SCHIP1: variants seen among roughly 807,000 people sequenced by gnomAD.
SCHIP1 encodes schwannomin interacting protein 1, also known as schwannomin-interacting protein 1.
A neutral mutation model predicts 29.7 loss-of-function variants in SCHIP1; 8 were observed. That is an observed-to-expected ratio of 0.27 (90% confidence interval 0.16 to 0.49). The LOEUF (loss-of-function observed/expected upper bound fraction) is 0.49, where lower values mean the gene tolerates loss of function less well. SCHIP1 is among the 20% of genes least tolerant of loss of function. SCHIP1 has a pLI of 0.99. For synonymous variants in SCHIP1, 76 were observed against 94.9 expected, an observed-to-expected ratio of 0.80 and a Z score of 1.16; for missense variants, 193 against 294.6, an observed-to-expected ratio of 0.66 and a Z score of 2.52.
the SCHIP1 span, among the ~76,000 whole-genome samples, chr3:159,370,666 C>T: frequency 7.9e-5 from 12 of 152,092 alleles, no homozygotes; most frequent in Non-Finnish European, 1.8e-4. Flanking sequence ...TCATTGGGGC[C>T]CAGAGAGAAC....
chr3:159,738,669 A>G, the SCHIP1 span, among the ~76,000 whole-genome samples: 1 of 152,248 alleles, frequency 6.6e-6, no homozygotes, highest in East Asian at 1.9e-4. Flanking sequence ...GTATAACAAC[A>G]AACAAAATAT....
At chr3:159,402,270 G>T in the SCHIP1 span, among the ~76,000 whole-genome samples, 40 of 152,278 alleles carry the variant, frequency 2.6e-4, no homozygotes, top group African/African-American at 9.4e-4. Context: ...TCGTTAAAAA[G>T]TCAGGAAACA....
chr3:159,882,857 G>A (rs1463031152), intron 2 of SCHIP1, among the ~76,000 whole-genome samples: 2 of 152,174 alleles, frequency 1.3e-5, no homozygotes, highest in African/African-American at 2.4e-5. Flanking sequence ...CGTGGTTGCT[G>A]TGCAGCCTCC....
chr3:159,622,462 A>G, the SCHIP1 span, among the ~76,000 whole-genome samples: 40 of 152,318 alleles, frequency 2.6e-4, no homozygotes, highest in East Asian at 7.5e-3. Context: ...GCTTTATTTC[A>G]TGGAGTAATA....
the SCHIP1 span, among the ~76,000 whole-genome samples, chr3:159,550,015 C>T: frequency 7.7e-6 from 1 of 129,364 alleles, no homozygotes; most frequent in African/African-American, 2.7e-5. Flanking sequence ...TTTATTCTCT[C>T]CACTGTATAT....
At chr3:159,543,068 CAT>C in the SCHIP1 span, among the ~76,000 whole-genome samples, 1 of 149,574 alleles carries the variant, frequency 6.7e-6, no homozygotes, top group Non-Finnish European at 1.5e-5. Context: ...TGTACACACA[CAT>C]ATATATACAC....
chr3:159,630,222 G>C, the SCHIP1 span, among the ~76,000 whole-genome samples: 1 of 152,096 alleles, frequency 6.6e-6, no homozygotes, highest in African/African-American at 2.4e-5. Context: ...TCTGATGAAA[G>C]AAAAACACAC....
intron 5 of SCHIP1, among the ~76,000 whole-genome samples, chr3:159,889,978 C>A (rs909257800): frequency 1.6e-4 from 24 of 151,922 alleles, no homozygotes; most frequent in Middle Eastern, 3.4e-3. Context: ...CACCTGTAGT[C>A]CAGCTACTCG....
chr3:159,475,515 A>G, the SCHIP1 span, among the ~76,000 whole-genome samples: 1 of 152,140 alleles, frequency 6.6e-6, no homozygotes, highest in Non-Finnish European at 1.5e-5. Context: ...TGATGGTTGC[A>G]ACTCTGAGAC....
chr3:159,296,208 G>A, the SCHIP1 span, among the ~76,000 whole-genome samples: 1 of 151,220 alleles, frequency 6.6e-6, no homozygotes, highest in Non-Finnish European at 1.5e-5. Context: ...TATTTCACAT[G>A]TGAACATAAA....
At chr3:159,345,350 C>A in the SCHIP1 span, among the ~76,000 whole-genome samples, 1 of 151,974 alleles carries the variant, frequency 6.6e-6, no homozygotes, top group African/African-American at 2.4e-5. Flanking sequence ...TATTGTGGCA[C>A]TTCGGGAAAC....
chr3:159,572,759 G>T, the SCHIP1 span, among the ~76,000 whole-genome samples: 2 of 152,156 alleles, frequency 1.3e-5, no homozygotes, highest in Non-Finnish European at 2.9e-5. Flanking sequence ...TAGCCTCTTT[G>T]TAGGTCTCTA....
the SCHIP1 span, among the ~76,000 whole-genome samples, chr3:159,814,304 A>G: frequency 6.6e-6 from 1 of 152,188 alleles, no homozygotes; most frequent in Non-Finnish European, 1.5e-5. Context: ...ATCAGAATTC[A>G]GCCTCTCCCT....
At chr3:159,688,105 G>C in the SCHIP1 span, among the ~76,000 whole-genome samples, 1 of 152,134 alleles carries the variant, frequency 6.6e-6, no homozygotes, top group Admixed American at 6.5e-5. Context: ...TAATCCTTTG[G>C]GTATAATCCC....
At chr3:159,744,899 G>T in the SCHIP1 span, among the ~76,000 whole-genome samples, 2 of 152,134 alleles carry the variant, frequency 1.3e-5, no homozygotes, top group African/African-American at 4.8e-5. Context: ...GCAGGAGAAT[G>T]GTGTGAACCC....
the SCHIP1 span, among the ~76,000 whole-genome samples, chr3:159,482,015 G>A: frequency 1.4e-4 from 21 of 152,200 alleles, 1 homozygote; most frequent in Admixed American, 7.2e-4. Flanking sequence ...TGGTATGAGC[G>A]TATGTGTATA....
the SCHIP1 span, among the ~76,000 whole-genome samples, chr3:159,406,405 A>G: frequency 0.012 from 1,769 of 152,338 alleles, 26 homozygotes; most frequent in African/African-American, 0.041. Flanking sequence ...TTCAAACATC[A>G]AGGAGAAATA....
the SCHIP1 span, among the ~76,000 whole-genome samples, chr3:159,702,637 G>A: frequency 3.9e-5 from 6 of 152,168 alleles, no homozygotes; most frequent in Non-Finnish European, 8.8e-5. Context: ...GAAAAAATGC[G>A]CTCTGAAAAT....
chr3:159,869,218 A>G (rs1353326151), intron 2 of SCHIP1, among the ~76,000 whole-genome samples: 1 of 151,920 alleles, frequency 6.6e-6, no homozygotes, highest in Non-Finnish European at 1.5e-5. Flanking sequence ...TATGTGTTTT[A>G]TGACCAGAAG....
Sources: allele counts gnomAD v4.1 joint callset (sites outside exome capture counted in the v4.1 genomes callset), GRCh38; gene constraint gnomAD v4.1.1; transcripts MANE v1.5; gene names NCBI Gene and HGNC (gene_info 2026-07-23, HGNC 2026-07-21).